SUMF2: variants seen among roughly 807,000 people sequenced by gnomAD.
SUMF2 encodes the protein sulfatase modifying factor 2.
In SUMF2, 45 loss-of-function variants were observed where a neutral mutation model predicts 44.8. The observed-to-expected ratio is 1.00, with a 90% CI of 0.79 to 1.29. SUMF2 has a LOEUF of 1.29. Among genes scored for constraint, SUMF2 ranks in the 50% most tolerant of loss-of-function variants. The pLI is 0.00. For missense variants in SUMF2, 418 were observed against 389.9 expected, an observed-to-expected ratio of 1.07 and a Z score of -0.61; for synonymous variants, 148 against 150.4, an observed-to-expected ratio of 0.98 and a Z score of 0.12.
At chr7:56,087,193 C>CA in the SUMF2 span, among the ~76,000 whole-genome samples, 1 of 116,682 alleles carries the variant, frequency 8.6e-6, no homozygotes, top group East Asian at 2.3e-4. Context: ...GGCCCAGGGA[C>CA]TTTATTATTA....
At chr7:56,075,463 G>A (rs1260326699) in intron 5 of SUMF2, among the ~76,000 whole-genome samples, 1 of 151,964 alleles carries the variant, frequency 6.6e-6, no homozygotes, top group African/African-American at 2.4e-5. Flanking sequence ...TTGGGAGGCC[G>A]AGGTGGGTGG....
downstream of SUMF2, chr7:56,081,710 C>G (rs991383854): frequency 1.2e-6 from 2 of 1,613,904 alleles, no homozygotes; most frequent in African/African-American, 2.7e-5. The surrounding 1 kb of genome is among the most constrained non-coding windows in gnomAD (Gnocchi z 4.6). Flanking sequence ...AAGGCCTCTT[C>G]CGCTGTGTAG....
chr7:56,073,601 G>T, intron 3 of SUMF2: 1 of 192,474 alleles, frequency 5.2e-6, no homozygotes, highest in Non-Finnish European at 1.1e-5. Flanking sequence ...CCGAGATGGC[G>T]CCACTGCACT....
intron 8 of SUMF2, 85 bp downstream of exon 8, chr7:56,078,593 A>C: frequency 7.1e-7 from 1 of 1,403,416 alleles, no homozygotes. Flanking sequence ...CCCTACCTTC[A>C]CACCACCAAC....
At chr7:56,081,755 C>T, downstream of SUMF2, 1 of 1,613,120 alleles carries the variant, frequency 6.2e-7, no homozygotes, top group Non-Finnish European at 8.5e-7. This position sits in a 1 kb window ranked among gnomAD's most constrained non-coding sequence, Gnocchi z 4.6. Context: ...AATCGGGAGA[C>T]CTGTGAGAGG....
rs3735066 is a variant in SUMF2 at position 56,078,311 on chromosome 7, G to A, written c.677-53G>A. 76,072 of 1,559,614 alleles carry A rather than the reference G, an allele frequency of 0.049. 2,594 individuals are homozygous for A. The highest frequency in any genetic ancestry group is 0.21 in the East Asian group (9,032 of 43,954). Reference sequence around the variant, plus strand: ...TTGGCCCCCAGGACCTCAGAGGGTAGGCGGGGTGGTCGGCGGGTCCCAGCC... The same window carrying A: ...TTGGCCCCCAGGACCTCAGAGGGTAAGCGGGGTGGTCGGCGGGTCCCAGCC... On this transcript the variant is annotated intron_variant, in intron 7 of 8. Coordinates refer to ENST00000434526, the MANE Select transcript of SUMF2 (RefSeq NM_015411.4).
At chr7:56,083,999 C>T, downstream of SUMF2, 3 of 615,630 alleles carry the variant, frequency 4.9e-6, no homozygotes, top group Non-Finnish European at 8.6e-6. Context: ...AATTTTTCCC[C>T]TGGAAAAATT....
At chr7:56,075,113 G>A (rs574924877) in intron 5 of SUMF2, among the ~76,000 whole-genome samples, 200 of 152,058 alleles carry the variant, frequency 1.3e-3, no homozygotes, top group African/African-American at 4.5e-3. Context: ...AAAAAGCGGG[G>A]GGATGGGGCA....
Position 56,074,651 on chromosome 7 carries a change from T to C in SUMF2, c.450T>C (p.Asn150=), listed in dbSNP as rs376782188. ...ACCCAGTGTTACACGTGAGCTGGAA[T>C]GACGCCCGTGCCTACTGTGCTTGGC... ...LEHPVLHVSW[N]DARAYCAWRG... The change falls in exon 5 of 9, where the codon AAT becomes AAC. Residue 150 remains asparagine (N), a synonymous_variant. Transcript: ENST00000434526. The C allele has an allele frequency of 2.4e-5, 38 of 1,614,060 alleles. No individual in the cohort carries two copies. Among genetic ancestry groups the C allele is most frequent in the African/African-American group, 5.3e-5 (4 of 74,932 alleles).
In SUMF2 at chr7:56,078,165, T is replaced by C. The variant is rs1482217464; in HGVS notation, c.655T>C (p.Phe219Leu). ...CCATGGAGTCTCCCCAGTGAATGCT[T>C]TCCCCGCCCAGAACAACTACGGTAA... ...GFHGVSPVNA[F>L]PAQNNYGLYD... Residue 219 changes from phenylalanine (F) to leucine (L), a missense_variant, in exon 7 of 9, where the codon TTC (phenylalanine) becomes CTC (leucine). Physicochemically the swap from Phe to Leu is conservative, Grantham distance 22. Coordinates refer to ENST00000434526, the MANE Select transcript of SUMF2 (RefSeq NM_015411.4). 1.1e-5 allele frequency: 18 copies of C among 1,612,206 alleles called. No homozygotes were observed. Among genetic ancestry groups the C allele is most frequent in the Non-Finnish European group, 1.4e-5 (17 of 1,178,564 alleles).
rs150535826 is a variant in SUMF2 at position 56,076,543 on chromosome 7, G to C, written c.536-291G>C. On this transcript the variant is annotated intron_variant, in intron 5 of 8. Coordinates refer to ENST00000434526, the MANE Select transcript of SUMF2 (RefSeq NM_015411.4). The stretch of plus-strand genomic sequence containing the variant: ...ATCTAAGTCCAATTTCAAGTTTCTC[G>C]ATTTCTGTACTTTTCTCAACATGAA... 3.0e-3 allele frequency: 954 copies of C among 314,352 alleles called. 11 individuals carry two copies. Among genetic ancestry groups the C allele is most frequent in the African/African-American group, 0.018 (843 of 46,796 alleles). 19.5% of individuals were successfully genotyped at this position (314,352 alleles called of 1,614,324 possible). A position where few individuals can be genotyped will look rare whatever the true frequency, so the allele number is the denominator to read the frequency against.
chr7:56,077,915 T>TG (rs1795669137), intron 6 of SUMF2, among the ~76,000 whole-genome samples, 187 bp from the exon 7 acceptor site: 1 of 151,862 alleles, frequency 6.6e-6, no homozygotes, highest in Admixed American at 6.6e-5. Context: ...AATCCAGCAG[T>TG]GGGGGTCACC....
intron 2 of SUMF2, among the ~76,000 whole-genome samples, chr7:56,072,089 C>T (rs1795198156): frequency 7.6e-6 from 1 of 132,286 alleles, no homozygotes; most frequent in Non-Finnish European, 1.6e-5. Context: ...GCCTGGGCAA[C>T]AGTCTTTTTG....
At chr7:56,087,886 C>T in the SUMF2 span, 28 of 817,084 alleles carry the variant, frequency 3.4e-5, no homozygotes, top group African/African-American at 3.4e-4. Context: ...TTACACTTTC[C>T]CCCAACTTCC....
the SUMF2 span, chr7:56,087,801 C>A: frequency 2.5e-6 from 4 of 1,593,348 alleles, no homozygotes; most frequent in South Asian, 4.4e-5. Flanking sequence ...GACAGATGGC[C>A]TCGGGGGGCC....
At chr7:56,077,610 C>G (rs915504911) in intron 6 of SUMF2, among the ~76,000 whole-genome samples, 1 of 150,760 alleles carries the variant, frequency 6.6e-6, no homozygotes, top group Non-Finnish European at 1.5e-5. Context: ...AGTGAGCTAC[C>G]ACTGTACTCT....
At chr7:56,076,558 C>G (rs1287580760) in intron 5 of SUMF2, 1 of 349,386 alleles carries the variant, frequency 2.9e-6, no homozygotes, top group Non-Finnish European at 5.2e-6. Context: ...CTGTACTTTT[C>G]TCAACATGAA....
At chr7:56,082,976 C>T (rs371292874), downstream of SUMF2, among the ~76,000 whole-genome samples, 1 of 151,792 alleles carries the variant, frequency 6.6e-6, no homozygotes, top group East Asian at 1.9e-4. Flanking sequence ...CGTTGTGGCG[C>T]GTGCCTGCAA....
At chr7:56,083,248 TG>T, downstream of SUMF2, 2 of 1,610,646 alleles carry the variant, frequency 1.2e-6, no homozygotes, top group Non-Finnish European at 8.5e-7. Context: ...ACCCGAGGCC[TG>T]GACGTGGGCC....
Sources: allele counts gnomAD v4.1 joint callset (sites outside exome capture counted in the v4.1 genomes callset), GRCh38; gene constraint gnomAD v4.1.1; non-coding constraint Gnocchi (gnomAD v3.1); transcripts MANE v1.5; gene names NCBI Gene and HGNC (gene_info 2026-07-23, HGNC 2026-07-21).